The following HAO2 variants were observed in gnomAD, a reference collection of about 807,000 sequenced individuals.
HAO2 encodes 2-Hydroxyacid oxidase 2.
In HAO2, 42 loss-of-function variants were observed where a neutral mutation model predicts 37.4. The ratio of observed to expected loss-of-function variants is 1.12; its 90% CI spans 0.88 to 1.45. The LOEUF is 1.45. HAO2 is among the 40% of genes most tolerant of loss of function. The probability of loss-of-function intolerance (pLI) is 0.00; values close to 1 mark genes in which losing one functional copy is unlikely to be tolerated. For missense variants in HAO2, 476 were observed against 430.2 expected, an observed-to-expected ratio of 1.11 and a Z score of -0.94; for synonymous variants, 180 against 162.8, an observed-to-expected ratio of 1.11 and a Z score of -0.81.
chr1:119,392,545 A>G, intron 6 of HAO2, 73 bp from the exon 7 acceptor site: 1 of 978,806 alleles, frequency 1.0e-6, no homozygotes, highest in Non-Finnish European at 1.7e-6. Context: ...CTACATCTAG[A>G]ATTTATACTA....
intron 2 of HAO2, among the ~76,000 whole-genome samples, chr1:119,381,705 C>T (rs1390258322): frequency 6.6e-6 from 1 of 152,114 alleles, no homozygotes; most frequent in Non-Finnish European, 1.5e-5. Context: ...GAGCATCGGT[C>T]AACCAACAGC....
intron 7 of HAO2, 137 bp downstream of exon 7, chr1:119,392,824 G>A: frequency 2.9e-6 from 2 of 701,536 alleles, no homozygotes; most frequent in Non-Finnish European, 5.3e-6. Flanking sequence ...CAACTTTCAA[G>A]ACAAAGATTA....
chr1:119,376,096 A>T (rs1649436399), intron 1 of HAO2, among the ~76,000 whole-genome samples: 1 of 152,176 alleles, frequency 6.6e-6, no homozygotes, highest in South Asian at 2.1e-4. Context: ...TCACAGTCCA[A>T]AGTCTCATCT....
At chr1:119,374,435 T>C (rs1335449852) in intron 1 of HAO2, among the ~76,000 whole-genome samples, 1 of 152,212 alleles carries the variant, frequency 6.6e-6, no homozygotes, top group African/African-American at 2.4e-5. Context: ...ATTACAGCAT[T>C]TTCAGCCAAC....
intron 1 of HAO2, chr1:119,380,563 C>A: frequency 1.5e-6 from 1 of 662,794 alleles, no homozygotes; most frequent in Non-Finnish European, 2.7e-6. Flanking sequence ...ATCAGTTCAC[C>A]AAGAAATGAA....
chr1:119,373,793 T>G (rs587762940), intron 1 of HAO2, among the ~76,000 whole-genome samples: 1 of 152,290 alleles, frequency 6.6e-6, no homozygotes, highest in Admixed American at 6.5e-5. Flanking sequence ...GAAGGGAATT[T>G]TCATTAGTAG....
At chr1:119,373,066 C>G (rs1167120555) in intron 1 of HAO2, among the ~76,000 whole-genome samples, 2 of 152,206 alleles carry the variant, frequency 1.3e-5, no homozygotes, top group African/African-American at 4.8e-5. Flanking sequence ...AGACATGTAG[C>G]CTGCCACTGT....
chr1:119,388,797 G>C (rs1211155991), intron 5 of HAO2, among the ~76,000 whole-genome samples: 1 of 151,770 alleles, frequency 6.6e-6, no homozygotes, highest in Non-Finnish European at 1.5e-5. Flanking sequence ...ATTTCCACAG[G>C]TTATTAAGGA....
intron 3 of HAO2, 45 bp from the exon 4 acceptor site, chr1:119,384,731 A>G: frequency 1.3e-6 from 2 of 1,580,094 alleles, no homozygotes; most frequent in Non-Finnish European, 1.7e-6. Context: ...AGCCCAGTCC[A>G]GAGGCCTCTG....
chr1:119,386,469 G>T (rs944098610), intron 4 of HAO2, among the ~76,000 whole-genome samples, 153 bp from the exon 5 acceptor site: 2 of 152,122 alleles, frequency 1.3e-5, no homozygotes, highest in African/African-American at 4.8e-5. Context: ...GCCCCACAAA[G>T]TGCTGGGATT....
At position 119,386,819 on chromosome 1, in the gene HAO2, G is replaced by C; in HGVS notation, c.759G>C (p.Glu253Asp). The change falls in exon 5 of 8, where the codon GAG becomes GAC. Residue 253 changes from glutamate to aspartate, a missense_variant. Coordinates refer to ENST00000325945, the MANE Select transcript of HAO2 (RefSeq NM_016527.4). Reference sequence around the variant, plus strand: ...ACCATGGTGGGAGGCAGCTTGATGAGGTTCTTGCTTCAGTAAGTAGGATTA... The same window carrying C: ...ACCATGGTGGGAGGCAGCTTGATGACGTTCTTGCTTCAGTAAGTAGGATTA... ...VSNHGGRQLD[E>D]VLASIDALTE... is the part of the protein sequence containing the mutation. 6.2e-7 allele frequency: 1 copy of C among 1,608,434 alleles called. No individual in the cohort carries two copies. Among genetic ancestry groups the C allele is most frequent in the South Asian group, 1.1e-5 (1 of 90,954 alleles).
At chr1:119,374,464 T>C (rs1450775987) in intron 1 of HAO2, among the ~76,000 whole-genome samples, 1 of 152,222 alleles carries the variant, frequency 6.6e-6, no homozygotes, top group Non-Finnish European at 1.5e-5. Context: ...GTCTAATCTC[T>C]CAAACTAGGC....
chr1:119,391,360 G>A (rs1446915990), intron 5 of HAO2, among the ~76,000 whole-genome samples: 3 of 152,154 alleles, frequency 2.0e-5, no homozygotes, highest in Non-Finnish European at 4.4e-5. Flanking sequence ...TTACAGACTT[G>A]TAGGTGCCTA....
At chr1:119,376,296 C>G (rs1456003870) in intron 1 of HAO2, among the ~76,000 whole-genome samples, 1 of 152,158 alleles carries the variant, frequency 6.6e-6, no homozygotes, top group Non-Finnish European at 1.5e-5. Flanking sequence ...CTTAAAGCTC[C>G]AAAATGATCT....
intron 5 of HAO2, among the ~76,000 whole-genome samples, chr1:119,390,264 T>A (rs1180453588): frequency 2.6e-5 from 4 of 152,158 alleles, no homozygotes; most frequent in Non-Finnish European, 5.9e-5. Context: ...GGATTTATTT[T>A]TTTTTATTTG....
At chr1:119,386,358 C>A in intron 4 of HAO2, among the ~76,000 whole-genome samples, 1 of 152,122 alleles carries the variant, frequency 6.6e-6, no homozygotes, top group East Asian at 1.9e-4. Flanking sequence ...GGACTACAGG[C>A]ATGCACCACG....
chr1:119,388,345 G>A (rs1309799972), intron 5 of HAO2, among the ~76,000 whole-genome samples: 2 of 152,176 alleles, frequency 1.3e-5, no homozygotes, highest in Non-Finnish European at 2.9e-5. Context: ...ATAGGTGTCA[G>A]GCTCTCATTA....
chr1:119,377,463 T>A (rs1649562341), intron 1 of HAO2, among the ~76,000 whole-genome samples: 9 of 152,320 alleles, frequency 5.9e-5, no homozygotes, highest in Admixed American at 5.2e-4. Context: ...CATCTTCCTG[T>A]CTTCTTCTAA....
chr1:119,369,612 A>T (rs1193680151), intron 1 of HAO2, among the ~76,000 whole-genome samples: 1 of 152,238 alleles, frequency 6.6e-6, no homozygotes. Flanking sequence ...AGATCCTTCA[A>T]TTCTCACAAG....
Sources: allele counts gnomAD v4.1 joint callset (sites outside exome capture counted in the v4.1 genomes callset), GRCh38; gene constraint gnomAD v4.1.1; transcripts MANE v1.5; gene names NCBI Gene and HGNC (gene_info 2026-07-23, HGNC 2026-07-21).